SLC14A2: variants seen among roughly 807,000 people sequenced by gnomAD.
SLC14A2 encodes urea transporter 2.
A neutral mutation model predicts 104.6 loss-of-function variants in SLC14A2; 91 were observed. The observed-to-expected ratio is 0.87, with a 90% confidence interval of 0.73 to 1.04. The LOEUF is 1.04. SLC14A2 is among the 50% of genes least tolerant of loss of function. The probability of loss-of-function intolerance (pLI) is 0.00; values close to 1 mark genes in which losing one functional copy is unlikely to be tolerated. For synonymous variants in SLC14A2, 476 were observed against 466.4 expected (o/e 1.02, Z -0.27); for missense variants, 1,189 against 1,156.0 (o/e 1.03, Z -0.41).
chr18:45,578,178 G>C (rs2705399), intron 2 of SLC14A2, among the ~76,000 whole-genome samples: 141,735 of 152,256 alleles, frequency 0.93, 66,187 homozygotes, highest in Middle Eastern at 0.97. Context: ...ACTTTCTCCA[G>C]GAGCCCCTTT....
chr18:45,421,332 A>G (rs2059064184), intron 1 of SLC14A2, among the ~76,000 whole-genome samples: 3 of 152,020 alleles, frequency 2.0e-5, no homozygotes, highest in Non-Finnish European at 4.4e-5. Flanking sequence ...TCAAATCAAC[A>G]ACCCTCTTTG....
chr18:45,622,403 G>T (rs2045186486), intron 1 of SLC14A2, among the ~76,000 whole-genome samples: 1 of 152,174 alleles, frequency 6.6e-6, no homozygotes, highest in Admixed American at 6.5e-5. Flanking sequence ...TAGGATTTGG[G>T]AAGGCAACAT....
At chr18:45,641,837 A>G (rs918328395) in intron 8 of SLC14A2, among the ~76,000 whole-genome samples, 1 of 152,242 alleles carries the variant, frequency 6.6e-6, no homozygotes, top group Non-Finnish European at 1.5e-5. Context: ...AGCACTAAAA[A>G]TCATAACCAC....
At chr18:45,634,965 G>A in intron 5 of SLC14A2, 1 of 424,604 alleles carries the variant, frequency 2.4e-6, no homozygotes. Flanking sequence ...AAGTGAGTGG[G>A]TCTGGGGTAT....
chr18:45,371,483 A>G (rs142284322), intron 1 of SLC14A2, among the ~76,000 whole-genome samples: 2 of 152,352 alleles, frequency 1.3e-5, no homozygotes. Context: ...TATACAATCT[A>G]TTGCATAAAT....
chr18:45,366,319 T>C (rs1205705740), intron 1 of SLC14A2, among the ~76,000 whole-genome samples: 1 of 152,074 alleles, frequency 6.6e-6, no homozygotes, highest in African/African-American at 2.4e-5. Flanking sequence ...ACAACTGCTC[T>C]CCTCTCCTCA....
At chr18:45,405,949 A>G (rs1205953445) in intron 1 of SLC14A2, among the ~76,000 whole-genome samples, 1 of 151,596 alleles carries the variant, frequency 6.6e-6, no homozygotes, top group South Asian at 2.1e-4. Context: ...GCGAGTTGTA[A>G]TTTTTTTTAC....
At chr18:45,576,272 C>CTT (rs776335445) in intron 2 of SLC14A2, among the ~76,000 whole-genome samples, 174 of 90,668 alleles carry the variant, frequency 1.9e-3, no homozygotes, top group African/African-American at 2.4e-3. Flanking sequence ...GGAGCAGGGG[C>CTT]TTTTTTTTTT....
At position 45,288,814 on chromosome 18, in the gene SLC14A2, C is replaced by T. The variant is rs535905426; in HGVS notation, c.-125+75623C>T. 4.6e-5 allele frequency among the ~76,000 whole-genome samples: 7 copies of T among 152,316 alleles called. No individual in the cohort carries two copies. The South Asian group carries it at 1.5e-3, about 32-fold the overall frequency. ...TGCCCAGTCCCCGCCTGCCTCCCTG[C>T]TCTCACTTCCAGGAAGGTATATGGA... On this transcript the variant is annotated intron_variant, in intron 1 of 20. Transcript: ENST00000586448.
At chr18:45,483,534 C>G (rs2087537286) in intron 2 of SLC14A2, 1 of 152,140 alleles carries the variant, frequency 6.6e-6, no homozygotes, top group Non-Finnish European at 1.5e-5. Flanking sequence ...TAACAATAAT[C>G]ACATGCTCAT....
the SLC14A2 span, among the ~76,000 whole-genome samples, chr18:45,177,456 G>A: frequency 3.9e-5 from 6 of 152,144 alleles, no homozygotes; most frequent in Non-Finnish European, 8.8e-5. Context: ...CTTTTCCAAA[G>A]CCTTGCATTT....
intron 1 of SLC14A2, among the ~76,000 whole-genome samples, chr18:45,243,517 G>A (rs187275772): frequency 1.9e-3 from 296 of 152,258 alleles, no homozygotes; most frequent in Non-Finnish European, 2.4e-3. Context: ...GGGGAAACTA[G>A]GGTTACCCTG....
the SLC14A2 span, among the ~76,000 whole-genome samples, chr18:45,169,937 A>G: frequency 6.6e-6 from 1 of 152,158 alleles, no homozygotes; most frequent in East Asian, 1.9e-4. Context: ...TAACAAAAAC[A>G]CAACCTAAAA....
intron 1 of SLC14A2, among the ~76,000 whole-genome samples, chr18:45,462,067 T>C (rs565806719): frequency 6.6e-6 from 1 of 152,280 alleles, no homozygotes; most frequent in African/African-American, 2.4e-5. Context: ...CCAGAAAACA[T>C]CAAGTTATCA....
chr18:45,514,993 A>T (rs1450885539), intron 2 of SLC14A2, among the ~76,000 whole-genome samples: 1 of 152,238 alleles, frequency 6.6e-6, no homozygotes, highest in Non-Finnish European at 1.5e-5. Context: ...AAACATAATA[A>T]GAAAATAAGA....
intron 1 of SLC14A2, among the ~76,000 whole-genome samples, chr18:45,304,397 C>A (rs937500215): frequency 6.6e-6 from 1 of 152,192 alleles, no homozygotes; most frequent in Non-Finnish European, 1.5e-5. Flanking sequence ...CTGCTTTGTG[C>A]TGTGGCCAGC....
chr18:45,197,691 C>A, the SLC14A2 span, among the ~76,000 whole-genome samples: 1 of 152,208 alleles, frequency 6.6e-6, no homozygotes, highest in Non-Finnish European at 1.5e-5. Context: ...TCTTGAGCAG[C>A]ACTACAGAAT....
intron 1 of SLC14A2, among the ~76,000 whole-genome samples, chr18:45,289,530 A>G (rs750503292): frequency 3.4e-4 from 51 of 152,198 alleles, no homozygotes; most frequent in Middle Eastern, 3.2e-3. Flanking sequence ...GCACAGGCCA[A>G]TGTTCCTTAC....
chr18:45,248,679 T>C (rs2084391235), intron 1 of SLC14A2, among the ~76,000 whole-genome samples: 2 of 152,218 alleles, frequency 1.3e-5, no homozygotes, highest in Admixed American at 1.3e-4. Flanking sequence ...TTATCAGTTC[T>C]GACAGCCACA....
Sources: gnomAD v4.1 joint callset for allele counts (sites outside exome capture counted in the v4.1 genomes callset) on GRCh38, gnomAD v4.1.1 for gene constraint, MANE v1.5 for transcripts, NCBI Gene and HGNC (gene_info 2026-07-23, HGNC 2026-07-21) for gene names.